HYDIN: variants seen among roughly 807,000 people sequenced by gnomAD.
HYDIN encodes axonemal central pair apparatus protein HYDIN.
In HYDIN, 132 loss-of-function variants were observed where a neutral mutation model predicts 403.9. The observed-to-expected ratio is 0.33, with a 90% CI of 0.28 to 0.38. The LOEUF is 0.38. Among genes scored for constraint, HYDIN ranks in the 10% least tolerant of loss-of-function variants. HYDIN has a pLI of 1.00. For synonymous variants in HYDIN, 1,202 were observed against 1,891.7 expected (o/e 0.64, Z 9.46); for missense variants, 2,827 against 5,009.5 (o/e 0.56, Z 13.15).
chr16:71,092,398 A>G (rs2083136766), intron 11 of HYDIN, among the ~76,000 whole-genome samples: 1 of 152,212 alleles, frequency 6.6e-6, no homozygotes, highest in Non-Finnish European at 1.5e-5. Flanking sequence ...GACTTTATGT[A>G]AGGTGTAAAA....
chr16:70,957,134 A>C (rs1444158356), intron 39 of HYDIN, among the ~76,000 whole-genome samples: 1 of 151,416 alleles, frequency 6.6e-6, no homozygotes, highest in Non-Finnish European at 1.5e-5. Context: ...ATAACTCCCC[A>C]GTACCCACCA....
intron 1 of HYDIN, among the ~76,000 whole-genome samples, chr16:71,220,685 G>C (rs1338483290): frequency 1.3e-5 from 2 of 152,158 alleles, no homozygotes; most frequent in African/African-American, 2.4e-5. Context: ...AAATTATTAA[G>C]AATAGTTACC....
chr16:70,992,995 T>C (rs2079408278), intron 23 of HYDIN, among the ~76,000 whole-genome samples: 1 of 152,176 alleles, frequency 6.6e-6, no homozygotes, highest in African/African-American at 2.4e-5. Flanking sequence ...AAGCCCTTGA[T>C]GTTAATTTCA....
intron 47 of HYDIN, among the ~76,000 whole-genome samples, chr16:70,916,272 G>A (rs369529520): frequency 0.016 from 2,468 of 152,242 alleles, 45 homozygotes; most frequent in African/African-American, 0.057. Flanking sequence ...TGTGATGCCA[G>A]ACAGGAATGG....
chr16:70,930,217 A>C (rs1823836229), intron 45 of HYDIN, among the ~76,000 whole-genome samples: 2 of 152,274 alleles, frequency 1.3e-5, no homozygotes, highest in African/African-American at 4.8e-5. Context: ...ACAGTGGCTC[A>C]CGCCTGTAAT....
Position 70,806,232 on chromosome 16 carries a change from C to A in HYDIN, c.*1348G>T, listed in dbSNP as rs992605356. On this transcript the variant is annotated 3_prime_UTR_variant, in exon 86 of 86. Transcript: ENST00000393567. ...AAAGGTATGTATGTAAAGGAAAATA[C>A]CACAGTATATGGAGTGTTCAGTACT... Among the ~76,000 whole-genome samples, 5 of 152,100 alleles carry A rather than the reference C, an allele frequency of 3.3e-5. No homozygotes were observed. Among genetic ancestry groups the A allele is most frequent in the Non-Finnish European group, 5.9e-5 (4 of 68,016 alleles).
intron 42 of HYDIN, 76 bp downstream of exon 42, chr16:70,943,736 A>G: frequency 1.3e-6 from 2 of 1,540,272 alleles, no homozygotes; most frequent in Middle Eastern, 3.5e-4. Context: ...CTGATGGCCC[A>G]GAACCTCTGT....
intron 75 of HYDIN, among the ~76,000 whole-genome samples, chr16:70,848,502 T>C (rs2038378114): frequency 6.8e-6 from 1 of 147,286 alleles, no homozygotes; most frequent in East Asian, 2.0e-4. Context: ...GTTGTTACTC[T>C]TAGTTTGTTT....
chr16:70,880,399 CTGAATCACA>C (rs2040715169), intron 60 of HYDIN, among the ~76,000 whole-genome samples: 1 of 146,300 alleles, frequency 6.8e-6, no homozygotes, highest in Admixed American at 6.8e-5. Context: ...TGGGAGCTGG[CTGAATCACA>C]TGCAAGATGA....
chr16:71,226,517 G>A (rs898299406), intron 1 of HYDIN, among the ~76,000 whole-genome samples: 4 of 152,206 alleles, frequency 2.6e-5, no homozygotes, highest in Non-Finnish European at 4.4e-5. Context: ...GTTACCTTGT[G>A]TTAGGCCAAA....
At chr16:71,059,837 C>T (rs2082023908) in intron 18 of HYDIN, among the ~76,000 whole-genome samples, 2 of 152,118 alleles carry the variant, frequency 1.3e-5, no homozygotes, top group African/African-American at 4.8e-5. Flanking sequence ...TTTGGTGTCC[C>T]TAATCCTCAC....
chr16:71,219,307 T>A (rs570225515), intron 1 of HYDIN, among the ~76,000 whole-genome samples: 25 of 149,570 alleles, frequency 1.7e-4, no homozygotes, highest in East Asian at 7.8e-4. Flanking sequence ...GATGCCATTT[T>A]AAAAAAAAAA....
intron 6 of HYDIN, among the ~76,000 whole-genome samples, chr16:71,158,219 G>A (rs1376171560): frequency 2.0e-5 from 3 of 152,192 alleles, no homozygotes; most frequent in African/African-American, 4.8e-5. Flanking sequence ...TTAACTTACT[G>A]GGGGAGTTTG....
intron 3 of HYDIN, among the ~76,000 whole-genome samples, chr16:71,180,016 T>C (rs1052201063): frequency 5.3e-5 from 8 of 151,896 alleles, no homozygotes; most frequent in African/African-American, 1.2e-4. Context: ...AAGAAAAAAA[T>C]TGACATGACA....
At chr16:71,210,598 ACC>A (rs1331129616) in intron 1 of HYDIN, among the ~76,000 whole-genome samples, 2 of 152,050 alleles carry the variant, frequency 1.3e-5, no homozygotes, top group Non-Finnish European at 2.9e-5. Flanking sequence ...TGTACATTCA[ACC>A]CCCAAATCAC....
chr16:71,161,256 C>T (rs1292354925), intron 6 of HYDIN, among the ~76,000 whole-genome samples: 3 of 151,688 alleles, frequency 2.0e-5, no homozygotes, highest in Non-Finnish European at 4.4e-5. Context: ...AATCTAATGC[C>T]GCGGCTGATC....
chr16:71,031,341 G>A (rs1409136862), intron 19 of HYDIN: 7 of 513,640 alleles, frequency 1.4e-5, no homozygotes, highest in African/African-American at 1.2e-4. Flanking sequence ...TTTGTGGAGA[G>A]GGATTAACAG....
chr16:71,056,794 T>C (rs2081913029), intron 18 of HYDIN, among the ~76,000 whole-genome samples: 1 of 151,278 alleles, frequency 6.6e-6, no homozygotes, highest in Admixed American at 6.6e-5. Flanking sequence ...TAATGCTTAG[T>C]AATTCCTGTA....
intron 75 of HYDIN, among the ~76,000 whole-genome samples, chr16:70,847,123 G>T (rs2038266748): frequency 1.3e-5 from 2 of 151,624 alleles, no homozygotes; most frequent in Non-Finnish European, 2.9e-5. Context: ...AGTTGATGCA[G>T]TTTCTTCCTA....
Sources: gnomAD v4.1 joint callset for allele counts (sites outside exome capture counted in the v4.1 genomes callset) on GRCh38, gnomAD v4.1.1 for gene constraint, MANE v1.5 for transcripts, NCBI Gene and HGNC (gene_info 2026-07-23, HGNC 2026-07-21) for gene names.